Variants in OPA1 observed in about 807,000 individuals in gnomAD.
OPA1 encodes OPA1 mitochondrial dynamin like GTPase.
Under a neutral mutation model 152.9 loss-of-function variants are expected in OPA1, and 59 were observed. The ratio of observed to expected loss-of-function variants is 0.39; its 90% CI spans 0.31 to 0.48. The LOEUF (loss-of-function observed/expected upper bound fraction) is 0.48. OPA1 is among the 20% of genes least tolerant of loss of function. The pLI is 0.96. For missense variants in OPA1, 1,008 were observed against 1,216.8 expected, an observed-to-expected ratio of 0.83 and a Z score of 2.55; for synonymous variants, 400 against 389.9, an observed-to-expected ratio of 1.03 and a Z score of -0.31.
chr3:193,649,715 T>C (rs1711920079), intron 21 of OPA1, among the ~76,000 whole-genome samples: 1 of 152,212 alleles, frequency 6.6e-6, no homozygotes, highest in Non-Finnish European at 1.5e-5. Context: ...CTCATTTCAG[T>C]GCCCTTTCTT....
intron 8 of OPA1, among the ~76,000 whole-genome samples, chr3:193,634,624 G>A (rs531517779): frequency 1.9e-3 from 290 of 152,206 alleles, no homozygotes; most frequent in Non-Finnish European, 3.2e-3. Context: ...TGGCCAGAAT[G>A]CTCTCGATCT....
In OPA1 at chr3:193,597,346, C is replaced by T. The variant is rs1242763572; in HGVS notation, c.32+3937C>T. ...TAAAACCAGAATTGAGCAAAATGGC[C>T]ATTGGAAGCCTATGGTGCCCTCCGT... On this transcript the variant is annotated intron_variant, in intron 1 of 30. Coordinates refer to ENST00000361510, the MANE Select transcript of OPA1 (RefSeq NM_130837.3). Among the ~76,000 whole-genome samples the T allele has an allele frequency of 4.6e-5, 7 of 152,036 alleles. No homozygotes were observed. In the East Asian group the frequency reaches 1.4e-3, roughly 29 times the overall value.
At position 193,615,753 on chromosome 3, in the gene OPA1, A is replaced by G; in HGVS notation, c.431A>G (p.Asp144Gly). Residue 144 changes from aspartate to glycine, a missense_variant, in exon 3 of 31, where the codon GAT (aspartate) becomes GGT (glycine). Asp to Gly is a moderately conservative substitution (Grantham distance 94, BLOSUM62 -1). Around this residue, in one of 7 missense-constraint regions of OPA1, gnomAD observed 408 missense variants for 395.1 expected, o/e 1.03. Transcript: ENST00000361510. Reference sequence around the variant, plus strand: ...GTGCCTGACATTGTGTGGGAAATTGATGAGTATATCGATTTTGGTTTGTAT... The same window carrying G: ...GTGCCTGACATTGTGTGGGAAATTGGTGAGTATATCGATTTTGGTTTGTAT... ...WIVPDIVWEI[D>G]EYIDFEKIRK... 6 of 1,607,148 alleles carry G rather than the reference A, an allele frequency of 3.7e-6. No individual in the cohort carries two copies. Among genetic ancestry groups the G allele is most frequent in the Non-Finnish European group, 4.3e-6 (5 of 1,173,706 alleles).
At chr3:193,618,689 T>A in intron 5 of OPA1, 180 bp from the exon 6 acceptor site, 3 of 581,766 alleles carry the variant, frequency 5.2e-6, no homozygotes, top group Non-Finnish European at 9.2e-6. Flanking sequence ...GTTTTTTTTT[T>A]ATTTTCTGCA....
intron 27 of OPA1, among the ~76,000 whole-genome samples, chr3:193,665,935 A>G (rs1350469699): frequency 6.6e-6 from 1 of 152,314 alleles, no homozygotes; most frequent in South Asian, 2.1e-4. Flanking sequence ...AGGTTAACCT[A>G]AGGACGTATT....
chr3:193,669,201 G>T (rs76010301), intron 29 of OPA1, among the ~76,000 whole-genome samples: 1 of 152,140 alleles, frequency 6.6e-6, no homozygotes, highest in Non-Finnish European at 1.5e-5. Context: ...CTGTGCCTGC[G>T]CAGCATGCTC....
At chr3:193,639,082 A>C (rs973233766) in intron 11 of OPA1, among the ~76,000 whole-genome samples, 1 of 152,222 alleles carries the variant, frequency 6.6e-6, no homozygotes, top group African/African-American at 2.4e-5. Context: ...GACTTGGTGT[A>C]CTAGTCCATA....
In OPA1 at chr3:193,672,697, C is replaced by T. The variant is rs548144737; in HGVS notation, c.2983+5417C>T. On this transcript the variant is annotated intron_variant, in intron 29 of 30. Coordinates refer to ENST00000361510, the MANE Select transcript of OPA1 (RefSeq NM_130837.3). ...CAGCCTGGCCAACATGGTGAAACCC[C>T]GTCTCTACTAAAAATGCGAAAATTA... Among the ~76,000 whole-genome samples, 9 of 151,984 alleles carry T rather than the reference C, an allele frequency of 5.9e-5. No individual in the cohort carries two copies. The East Asian group carries it at 1.4e-3, about 23-fold the overall frequency.
At chr3:193,668,444 G>A (rs752532057) in intron 29 of OPA1, 1 of 1,550,584 alleles carries the variant, frequency 6.4e-7, no homozygotes, top group South Asian at 1.2e-5. Context: ...CTTCGTCATG[G>A]AGTCCCTTTT....
In OPA1 at chr3:193,596,337, T is replaced by TTTCCTTTCC. The variant is rs1553865288; in HGVS notation, c.32+2930_32+2931insCCTTTCCTT. 6.5e-4 allele frequency among the ~76,000 whole-genome samples: 90 copies of TTTCCTTTCC among 138,464 alleles called. 2 individuals are homozygous for TTTCCTTTCC. The highest frequency in any genetic ancestry group is 2.3e-3 in the African/African-American group (84 of 36,512). 90.8% of individuals were successfully genotyped at this position (138,464 alleles called of 152,430 possible). On this transcript the variant is annotated intron_variant, in intron 1 of 30. Coordinates refer to ENST00000361510, the MANE Select transcript of OPA1 (RefSeq NM_130837.3). Reference sequence around the variant, plus strand: ...TTTCCTTTCCTTTCCTTTCCTTTCCTTTTCTTTTCTTTTCTTTTCTTTTCT... The same window carrying TTTCCTTTCC: ...TTTCCTTTCCTTTCCTTTCCTTTCCTTTCCTTTCCTTTCTTTTCTTTTCTTTTCTTTTCT...
intron 6 of OPA1, among the ~76,000 whole-genome samples, chr3:193,621,763 GAC>G (rs1279584723): frequency 6.6e-6 from 1 of 152,150 alleles, no homozygotes; most frequent in African/African-American, 2.4e-5. Flanking sequence ...GAGGAAAAAA[GAC>G]ATAGCCCTGG....
At chr3:193,654,805 G>A in intron 21 of OPA1, 57 bp from the exon 22 acceptor site, 1 of 1,553,358 alleles carries the variant, frequency 6.4e-7, no homozygotes. Flanking sequence ...CAGTCAAGCT[G>A]TTTTTAAAAA....
At position 193,615,337 on chromosome 3, in the gene OPA1, T is replaced by C. The variant is rs372600550; in HGVS notation, c.351+296T>C. Among the ~76,000 whole-genome samples the C allele has an allele frequency of 9.3e-4, 142 of 152,284 alleles. 2 individuals are homozygous for C. In the South Asian group the frequency reaches 0.029, roughly 31 times the overall value. On this transcript the variant is annotated intron_variant, in intron 2 of 30. Coordinates refer to ENST00000361510, the MANE Select transcript of OPA1 (RefSeq NM_130837.3). ...CACAGATGTGAAAGTCAGGTGGCAT[T>C]CTCACACAAGCACTTCTTGGCAGGT...
chr3:193,595,072 A>T (rs1415816403), intron 1 of OPA1, among the ~76,000 whole-genome samples: 1 of 152,234 alleles, frequency 6.6e-6, no homozygotes, highest in Non-Finnish European at 1.5e-5. Context: ...GTTACCATGG[A>T]TGCCATTGAG....
At chr3:193,671,700 TATG>T (rs1717959786) in intron 29 of OPA1, among the ~76,000 whole-genome samples, 1 of 152,322 alleles carries the variant, frequency 6.6e-6, no homozygotes, top group African/African-American at 2.4e-5. Flanking sequence ...TCAGGAGAAA[TATG>T]ATCTTTGTAG....
At chr3:193,633,537 A>G (rs903555880) in intron 8 of OPA1, among the ~76,000 whole-genome samples, 9 of 152,364 alleles carry the variant, frequency 5.9e-5, no homozygotes, top group African/African-American at 1.2e-4. Context: ...GTCACTAGGC[A>G]CTGATAGACT....
At chr3:193,635,549 T>A in intron 9 of OPA1, 27 bp downstream of exon 9, 1 of 1,393,396 alleles carries the variant, frequency 7.2e-7, no homozygotes, top group Non-Finnish European at 1.0e-6. Flanking sequence ...TTGTTTATTC[T>A]CAAAATTTTA....
intron 7 of OPA1, among the ~76,000 whole-genome samples, chr3:193,630,846 T>TATA (rs1419378982): frequency 6.6e-6 from 1 of 152,120 alleles, no homozygotes; most frequent in African/African-American, 2.4e-5. Flanking sequence ...TGTTATAAAA[T>TATA]AAAATTGTTT....
At chr3:193,597,908 C>T (rs1725864875) in intron 1 of OPA1, among the ~76,000 whole-genome samples, 1 of 151,848 alleles carries the variant, frequency 6.6e-6, no homozygotes. Context: ...AAGACCTTGT[C>T]TCTACTAAAA....
Sources: gnomAD v4.1 joint callset for allele counts (sites outside exome capture counted in the v4.1 genomes callset) on GRCh38, gnomAD v4.1.1 for gene constraint, gnomAD v4.1.1 regional missense constraint, MANE v1.5 for transcripts, NCBI Gene and HGNC (gene_info 2026-07-23, HGNC 2026-07-21) for gene names.